Variants in DHDDS observed in about 807,000 individuals in gnomAD.
The protein encoded by DHDDS is dehydrodolichyl diphosphate synthase subunit.
Under a neutral mutation model 46.2 loss-of-function variants are expected in DHDDS, and 16 were observed. That is an observed-to-expected ratio of 0.35 (90% CI 0.23 to 0.53). The LOEUF is 0.53. DHDDS is among the 20% of genes least tolerant of loss of function. The pLI, the probability that DHDDS is intolerant of heterozygous loss-of-function variation, is 0.94. For missense variants in DHDDS, 340 were observed against 423.7 expected (o/e 0.80, Z 1.73); for synonymous variants, 151 against 163.1 (o/e 0.93, Z 0.56).
intron 6 of DHDDS, chr1:26,448,193 CTTT>C (rs11300095): frequency 5.1e-4 from 62 of 121,348 alleles, no homozygotes; most frequent in Admixed American, 1.4e-3. Flanking sequence ...TTTTTCTTTT[CTTT>C]TTTTTTTTTT....
At chr1:26,439,788 AT>A (rs1200016055) in intron 3 of DHDDS, among the ~76,000 whole-genome samples, 1 of 152,220 alleles carries the variant, frequency 6.6e-6, no homozygotes, top group Non-Finnish European at 1.5e-5. Flanking sequence ...CATGTTATAA[AT>A]TGGAAGACAT....
chr1:26,433,794 G>C (rs1213731118), intron 2 of DHDDS, among the ~76,000 whole-genome samples: 2 of 151,982 alleles, frequency 1.3e-5, no homozygotes, highest in African/African-American at 4.8e-5. Flanking sequence ...GGAGTGCAAT[G>C]GCGCAATCTT....
intron 2 of DHDDS, among the ~76,000 whole-genome samples, chr1:26,436,200 G>A (rs2075153243): frequency 2.0e-5 from 3 of 151,000 alleles, no homozygotes; most frequent in Admixed American, 1.3e-4. Context: ...GAGTTCGAGA[G>A]CAGCCTGGCC....
intron 6 of DHDDS, chr1:26,454,796 C>G: frequency 6.3e-7 from 1 of 1,580,688 alleles, no homozygotes. Flanking sequence ...ACCATGAGCT[C>G]TGTAGGTCCA....
intron 6 of DHDDS, chr1:26,454,971 C>T (rs2075357185): frequency 4.5e-6 from 7 of 1,569,622 alleles, no homozygotes; most frequent in Admixed American, 3.3e-5. Context: ...CACTGCTTGG[C>T]CTGGGCACAC....
At chr1:26,450,488 G>A (rs1190420900) in intron 6 of DHDDS, among the ~76,000 whole-genome samples, 1 of 152,056 alleles carries the variant, frequency 6.6e-6, no homozygotes, top group African/African-American at 2.4e-5. Context: ...AGCCTAAGAT[G>A]GCATTTTTGA....
At chr1:26,443,308 T>A (rs930441051) in intron 4 of DHDDS, among the ~76,000 whole-genome samples, 1 of 152,128 alleles carries the variant, frequency 6.6e-6, no homozygotes, top group Non-Finnish European at 1.5e-5. Context: ...CAATAAACTA[T>A]GGCCAAGGAA....
At chr1:26,458,493 T>A (rs902363323) in intron 7 of DHDDS, among the ~76,000 whole-genome samples, 1 of 152,046 alleles carries the variant, frequency 6.6e-6, no homozygotes, top group Non-Finnish European at 1.5e-5. Context: ...ATCCTAGCAC[T>A]TTGGGAGGCT....
At chr1:26,447,364 A>G (rs2075279382) in intron 5 of DHDDS, among the ~76,000 whole-genome samples, 195 bp from the exon 6 acceptor site, 1 of 152,176 alleles carries the variant, frequency 6.6e-6, no homozygotes, top group Admixed American at 6.5e-5. Context: ...TTATAAAACT[A>G]GTTACATGTT....
intron 8 of DHDDS, among the ~76,000 whole-genome samples, 157 bp from the exon 9 acceptor site, chr1:26,468,738 G>A (rs1335214545): frequency 6.6e-6 from 1 of 152,112 alleles, no homozygotes; most frequent in East Asian, 1.9e-4. Context: ...ACCACCCACT[G>A]CATACCTACT....
chr1:26,462,147 G>A (rs575738914), intron 8 of DHDDS, among the ~76,000 whole-genome samples: 36 of 150,688 alleles, frequency 2.4e-4, no homozygotes, highest in African/African-American at 8.5e-4. Context: ...AGCCTCCCAA[G>A]TAGCTAGGAC....
At chr1:26,447,828 TCAA>T (rs1212754307) in intron 6 of DHDDS, 168 bp downstream of exon 6, 68 of 686,392 alleles carry the variant, frequency 9.9e-5, no homozygotes, top group Middle Eastern at 3.8e-4. Flanking sequence ...CTCCCTCTTT[TCAA>T]CAACAACAAC....
At position 26,469,298 on chromosome 1, in the gene DHDDS, T is replaced by G. The variant is rs2075528431; in HGVS notation, c.*167T>G. The G allele has an allele frequency of 1.5e-6, 2 of 1,293,900 alleles. No individual in the cohort carries two copies. The highest frequency in any genetic ancestry group is 2.9e-5 in the African/African-American group (2 of 68,420). The allele number at this position is 1,293,900 out of a possible 1,614,324, so 80.2% of individuals were successfully genotyped here. On this transcript the variant is annotated 3_prime_UTR_variant, in exon 9 of 9. Coordinates refer to ENST00000236342, the MANE Select transcript of DHDDS (RefSeq NM_205861.3). ...TTGCTGGCCATAGATACCTTTGGGCTGCCTGGGACAGGCTCCTGAGGAGGA... is the reference window on the plus strand; with the variant it reads ...TTGCTGGCCATAGATACCTTTGGGCGGCCTGGGACAGGCTCCTGAGGAGGA...
intron 3 of DHDDS, among the ~76,000 whole-genome samples, chr1:26,442,039 T>A (rs1487739043): frequency 6.6e-6 from 1 of 152,200 alleles, no homozygotes; most frequent in Non-Finnish European, 1.5e-5. Flanking sequence ...TATAAATTTG[T>A]TTTTCCCATT....
At chr1:26,433,121 T>C in intron 2 of DHDDS, 113 bp downstream of exon 2, 1 of 1,161,670 alleles carries the variant, frequency 8.6e-7, no homozygotes. Flanking sequence ...TTAAGTGGAA[T>C]TTAGCAAGGA....
intron 2 of DHDDS, among the ~76,000 whole-genome samples, chr1:26,436,510 G>A (rs558058526): frequency 1.8e-4 from 28 of 152,008 alleles, no homozygotes; most frequent in Admixed American, 3.9e-4. Flanking sequence ...TGCAAGCTCC[G>A]CCTCCCGGGT....
intron 8 of DHDDS, among the ~76,000 whole-genome samples, chr1:26,462,038 T>G (rs1455975152): frequency 1.3e-5 from 2 of 151,832 alleles, no homozygotes; most frequent in African/African-American, 4.8e-5. Flanking sequence ...TGATGATGAT[T>G]AGGATAATCA....
chr1:26,468,953 C>G lies in DHDDS; in HGVS notation c.824C>G (p.Ala275Gly). The change falls in exon 9 of 9, where the codon GCT (alanine) becomes GGT (glycine). Residue 275 changes from alanine to glycine, a missense_variant. Ala to Gly is a moderately conservative substitution (Grantham distance 60). Around this residue, in one of 2 missense-constraint regions of DHDDS, gnomAD observed 268 missense variants for 300.3 expected, o/e 0.89. Transcript: ENST00000236342. ...RKRQQLERDQ[A>G]TVTEQLLREG... ...AGGCAGCAGCTGGAGAGGGACCAGG[C>G]TACAGTGACAGAGCAGCTGCTGCGA... The G allele has an allele frequency of 1.2e-6, 2 of 1,614,180 alleles. No homozygotes were observed. Among genetic ancestry groups the G allele is most frequent in the Non-Finnish European group, 1.7e-6 (2 of 1,180,034 alleles).
chr1:26,455,325 T>C, intron 6 of DHDDS: 1 of 501,350 alleles, frequency 2.0e-6, no homozygotes, highest in South Asian at 2.2e-5. Flanking sequence ...GACAAGATTG[T>C]CAGATTACCA....
Sources: gnomAD v4.1 joint callset for allele counts (sites outside exome capture counted in the v4.1 genomes callset) on GRCh38, gnomAD v4.1.1 for gene constraint, gnomAD v4.1.1 regional missense constraint, MANE v1.5 for transcripts, NCBI Gene and HGNC (gene_info 2026-07-23, HGNC 2026-07-21) for gene names.